Variants in SLC43A1 observed in about 807,000 individuals in gnomAD.
SLC43A1 encodes large neutral amino acids transporter small subunit 3.
In SLC43A1, 31 loss-of-function variants were observed where a neutral mutation model predicts 59.5. The observed-to-expected ratio is 0.52, with a 90% CI of 0.39 to 0.70. The LOEUF is 0.70. SLC43A1 is among the 30% of genes least tolerant of loss of function. The pLI is 0.00. For synonymous variants in SLC43A1, 259 were observed against 290.9 expected, an observed-to-expected ratio of 0.89 and a Z score of 1.12; for missense variants, 598 against 717.8, an observed-to-expected ratio of 0.83 and a Z score of 1.91.
intron 6 of SLC43A1, 80 bp downstream of exon 6, chr11:57,497,672 TG>T: frequency 9.9e-7 from 1 of 1,007,972 alleles, no homozygotes; most frequent in Non-Finnish European, 1.5e-6. Flanking sequence ...GTCAGACCCG[TG>T]GGTCAGCACT....
Position 57,514,176 on chromosome 11 carries a change from G to A in SLC43A1, c.-13-52C>T. The stretch of plus-strand genomic sequence containing the variant: ...AGGGCCCCCCAGTGGCCCCAGGGAA[G>A]GGTCCTGCATCATGGTGGCACCCGA... On this transcript the variant is annotated intron_variant, in intron 1 of 14. Transcript: ENST00000278426. This position sits in a 1 kb window ranked among gnomAD's most constrained non-coding sequence, Gnocchi z 5.5. 1 of 1,509,296 alleles carries A rather than the reference G, an allele frequency of 6.6e-7. No individual in the cohort carries two copies. The allele number at this position is 1,509,296 out of a possible 1,614,324, so 93.5% of individuals were successfully genotyped here. A position where few individuals can be genotyped will look rare whatever the true frequency, so the allele number is the denominator to read the frequency against.
Position 57,496,031 on chromosome 11 carries a change from G to A in SLC43A1, c.692C>T (p.Thr231Met), listed in dbSNP as rs767085811. 1.2e-5 allele frequency: 20 copies of A among 1,613,862 alleles called. No individual in the cohort carries two copies. The highest frequency in any genetic ancestry group is 2.7e-5 in the African/African-American group (2 of 75,042). ...AFPAPEEVNY[T>M]KKIKLSGLAL... is the part of the protein sequence containing the mutation. ...GTCTCTGCCCACTCCAGCCACTCACGTGTAATTGACTTCCTCAGGGGCAGG... is the reference window on the plus strand; with the variant it reads ...GTCTCTGCCCACTCCAGCCACTCACATGTAATTGACTTCCTCAGGGGCAGG... The change falls in exon 7 of 15, where the codon ACG becomes ATG. Residue 231 changes from threonine (T) to methionine (M), a missense_variant and splice_region_variant. Physicochemically the swap from Thr to Met is moderately conservative, Grantham distance 81. Coordinates refer to ENST00000278426, the MANE Select transcript of SLC43A1 (RefSeq NM_003627.6).
Position 57,514,970 on chromosome 11 carries a change from G to A in SLC43A1, c.-14+474C>T, listed in dbSNP as rs1367980396. 3 of 974,918 alleles carry A rather than the reference G, an allele frequency of 3.1e-6. No individual in the cohort carries two copies. Among genetic ancestry groups the A allele is most frequent in the Non-Finnish European group, 1.2e-6 (1 of 820,472 alleles). 60.4% of individuals were successfully genotyped at this position (974,918 alleles called of 1,614,324 possible). A position where few individuals can be genotyped will look rare whatever the true frequency, so the allele number is the denominator to read the frequency against. On this transcript the variant is annotated intron_variant, in intron 1 of 14. Coordinates refer to ENST00000278426, the MANE Select transcript of SLC43A1 (RefSeq NM_003627.6). This position sits in a 1 kb window ranked among gnomAD's most constrained non-coding sequence, Gnocchi z 5.5. ...AAAGAGCCCCAGCTCCCCCCGCCGC[G>A]GCCGCTGCAGCCTCGGCGGGAGGAG...
chr11:57,508,037 C>T (rs1451850118), intron 2 of SLC43A1, among the ~76,000 whole-genome samples: 2 of 152,148 alleles, frequency 1.3e-5, no homozygotes, highest in Non-Finnish European at 2.9e-5. Flanking sequence ...GAGGCCAAGG[C>T]GGGTGGATCA....
rs1011616805 is a variant in SLC43A1 at position 57,494,277 on chromosome 11, C to A, written c.693-106G>T. 18 of 1,034,566 alleles carry A rather than the reference C, an allele frequency of 1.7e-5. No homozygotes were observed. The East Asian group carries it at 4.4e-4, about 25-fold the overall frequency. The allele number at this position is 1,034,566 out of a possible 1,614,324, so 64.1% of individuals were successfully genotyped here. A position where few individuals can be genotyped will look rare whatever the true frequency, so the allele number is the denominator to read the frequency against. ...CAGCGGTTTCCAGCACTCCTTTACC[C>A]GGCATTGACATGCTCACAAGCTCCT... On this transcript the variant is annotated intron_variant, in intron 7 of 14. Coordinates refer to ENST00000278426, the MANE Select transcript of SLC43A1 (RefSeq NM_003627.6).
In SLC43A1 at chr11:57,514,182, T is replaced by C. The variant is rs1306877481; in HGVS notation, c.-13-58A>G. The C allele has an allele frequency of 6.7e-7, 1 of 1,483,578 alleles. No individual in the cohort carries two copies. The highest frequency in any genetic ancestry group is 8.9e-7 in the Non-Finnish European group (1 of 1,125,760). The allele number at this position is 1,483,578 out of a possible 1,614,324, so 91.9% of individuals were successfully genotyped here. ...CCCCAGTGGCCCCAGGGAAGGGTCC[T>C]GCATCATGGTGGCACCCGAGACCTC... On this transcript the variant is annotated intron_variant, in intron 1 of 14. Transcript: ENST00000278426. The surrounding 1 kb of genome is among the most constrained non-coding windows in gnomAD (Gnocchi z 5.5).
intron 11 of SLC43A1, among the ~76,000 whole-genome samples, chr11:57,490,781 A>T (rs1943874552): frequency 6.6e-6 from 1 of 152,202 alleles, no homozygotes; most frequent in African/African-American, 2.4e-5. Flanking sequence ...GTGATTTGTT[A>T]TACAGCAATA....
At chr11:57,489,193 A>T in intron 12 of SLC43A1, 58 bp downstream of exon 12, 1 of 1,600,156 alleles carries the variant, frequency 6.2e-7, no homozygotes, top group Non-Finnish European at 8.6e-7. Flanking sequence ...TGCTGGATGG[A>T]CCATCCCTTT....
chr11:57,492,613 CCAGCTA>C (rs1943961663), intron 8 of SLC43A1, among the ~76,000 whole-genome samples: 1 of 137,262 alleles, frequency 7.3e-6, no homozygotes, highest in African/African-American at 2.7e-5. Flanking sequence ...ACCTGTATTC[CCAGCTA>C]CTCAGGAGGC....
Position 57,487,176 on chromosome 11 carries a change from G to A in SLC43A1, c.1452C>T (p.Ser484=), listed in dbSNP as rs763657895. ...GCAAGGCGAACACAGCACTGATGAG[G>A]GACTGCAGGCCTGTCAGCGTCCCAA... ...NHFGTLTGLQ[S]LISAVFALLQ... is the part of the protein sequence containing the mutation. The change falls in exon 14 of 15, where the codon TCC becomes TCT. Residue 484 remains serine, a synonymous_variant. Transcript: ENST00000278426. 5 of 1,613,928 alleles carry A rather than the reference G, an allele frequency of 3.1e-6. No individual in the cohort carries two copies. The highest frequency in any genetic ancestry group is 4.2e-6 in the Non-Finnish European group (5 of 1,179,948).
At chr11:57,502,831 A>G (rs1242880128) in intron 2 of SLC43A1, among the ~76,000 whole-genome samples, 1 of 151,026 alleles carries the variant, frequency 6.6e-6, no homozygotes, top group Non-Finnish European at 1.5e-5. Context: ...CCATGATCAC[A>G]CCATTGCACT....
chr11:57,513,943 C>CCCCCA lies in SLC43A1; in HGVS notation c.154+14_154+15insTGGGG. On this transcript the variant is annotated intron_variant, in intron 2 of 14. Coordinates refer to ENST00000278426, the MANE Select transcript of SLC43A1 (RefSeq NM_003627.6). Reference sequence around the variant, plus strand: ...ATCCCTCCCCCCAGCCCACCCAGCCCATTTTCAGGCATACCTGGGCACGTG... The same window carrying CCCCCA: ...ATCCCTCCCCCCAGCCCACCCAGCCCCCCCAATTTTCAGGCATACCTGGGCACGTG... The CCCCCA allele has an allele frequency of 2.1e-6, 3 of 1,454,690 alleles. No individual in the cohort carries two copies. Among genetic ancestry groups the CCCCCA allele is most frequent in the Non-Finnish European group, 2.9e-6 (3 of 1,051,338 alleles). The allele number at this position is 1,454,690 out of a possible 1,614,324, so 90.1% of individuals were successfully genotyped here. A position where few individuals can be genotyped will look rare whatever the true frequency, so the allele number is the denominator to read the frequency against.
chr11:57,496,250 AG>A, intron 6 of SLC43A1, 86 bp from the exon 7 acceptor site: 1 of 1,490,996 alleles, frequency 6.7e-7, no homozygotes, highest in Non-Finnish European at 9.0e-7. Context: ...GAGGCCTTAA[AG>A]AAGTTCTCTT....
chr11:57,497,875 G>T, intron 5 of SLC43A1, 30 bp from the exon 6 acceptor site: 1 of 1,568,400 alleles, frequency 6.4e-7, no homozygotes, highest in Non-Finnish European at 8.8e-7. Context: ...CCCATGAGGT[G>T]GGGACACCGT....
intron 2 of SLC43A1, among the ~76,000 whole-genome samples, chr11:57,502,263 A>C (rs1944286291): frequency 6.6e-6 from 1 of 152,274 alleles, no homozygotes; most frequent in Non-Finnish European, 1.5e-5. Context: ...CACCTGGAGC[A>C]GGCAGACAGA....
intron 5 of SLC43A1, among the ~76,000 whole-genome samples, chr11:57,500,478 C>A (rs191559591): frequency 1.3e-5 from 2 of 152,188 alleles, no homozygotes; most frequent in African/African-American, 4.8e-5. Flanking sequence ...GAGGATGACT[C>A]GGTCAGTCCT....
chr11:57,489,036 G>A, intron 12 of SLC43A1, 47 bp from the exon 13 acceptor site: 3 of 1,580,798 alleles, frequency 1.9e-6, no homozygotes, highest in South Asian at 1.1e-5. Flanking sequence ...GTGTGTGGAG[G>A]CTGGAGGAAG....
In SLC43A1 at chr11:57,494,282, T is replaced by C. The variant is rs59617036; in HGVS notation, c.693-111A>G. 256 of 974,294 alleles carry C rather than the reference T, an allele frequency of 2.6e-4. No homozygotes were observed. In the African/African-American group the frequency reaches 3.8e-3, roughly 14 times the overall value. 60.4% of individuals were successfully genotyped at this position (974,294 alleles called of 1,614,324 possible). ...GTTTCCAGCACTCCTTTACCCGGCA[T>C]TGACATGCTCACAAGCTCCTAATGC... On this transcript the variant is annotated intron_variant, in intron 7 of 14. Coordinates refer to ENST00000278426, the MANE Select transcript of SLC43A1 (RefSeq NM_003627.6).
rs1944132247 is a variant in SLC43A1 at position 57,497,787 on chromosome 11, T to C, written c.524A>G (p.Tyr175Cys). 1.2e-6 allele frequency: 2 copies of C among 1,613,670 alleles called. No homozygotes were observed. The highest frequency in any genetic ancestry group is 1.7e-5 in the Admixed American group (1 of 60,012). ...STLMALMIGS[Y>C]ASSAITFPGI... is the part of the protein sequence containing the mutation. Reference sequence around the variant, plus strand: ...TGGGAACGTAATGGCAGAAGAGGCGTAAGAGCCAATCATGAGGGCCATTAA... The same window carrying C: ...TGGGAACGTAATGGCAGAAGAGGCGCAAGAGCCAATCATGAGGGCCATTAA... The change falls in exon 6 of 15, where the codon TAC (tyrosine) becomes TGC (cysteine). Residue 175 changes from tyrosine to cysteine, a missense_variant. Transcript: ENST00000278426.
Sources: gnomAD v4.1 joint callset for allele counts (sites outside exome capture counted in the v4.1 genomes callset) on GRCh38, gnomAD v4.1.1 for gene constraint, Gnocchi (gnomAD v3.1) non-coding constraint, MANE v1.5 for transcripts, NCBI Gene and HGNC (gene_info 2026-07-23, HGNC 2026-07-21) for gene names.